Variants in C11orf65 observed in about 807,000 individuals in gnomAD.
C11orf65 encodes the protein chromosome 11 open reading frame 65.
A neutral mutation model predicts 35.3 loss-of-function variants in C11orf65; 38 were observed. That is an observed-to-expected ratio of 1.08 (90% confidence interval 0.83 to 1.41). The LOEUF (loss-of-function observed/expected upper bound fraction) is 1.41. Among genes scored for constraint, C11orf65 ranks in the 40% most tolerant of loss-of-function variants. The pLI is 0.00. For missense variants in C11orf65, 370 were observed against 367.1 expected, an observed-to-expected ratio of 1.01 and a Z score of -0.06; for synonymous variants, 105 against 114.4, an observed-to-expected ratio of 0.92 and a Z score of 0.53.
rs189364475 is a variant in C11orf65, at chr11:108,391,900, A to G, written c.731+1308T>C. Among the ~76,000 whole-genome samples, 22 of 152,214 alleles carry G rather than the reference A, an allele frequency of 1.4e-4. 1 individual carries two copies. In the East Asian group the frequency reaches 3.9e-3, roughly 27 times the overall value. ...TTAGCAGATTCATCAATGTTATGGC[A>G]TAGATCAGAACTTAATTTCTTTCTT... On this transcript the variant is annotated intron_variant, in intron 7 of 8. Transcript: ENST00000393084.
intron 2 of C11orf65, among the ~76,000 whole-genome samples, chr11:108,363,380 T>G (rs1470854169): frequency 6.6e-6 from 1 of 152,192 alleles, no homozygotes; most frequent in African/African-American, 2.4e-5. Context: ...GCCTTCAAGA[T>G]TTTATTTTCT....
downstream of C11orf65, chr11:108,329,367 T>C (rs2086020484): frequency 3.5e-6 from 3 of 846,110 alleles, no homozygotes; most frequent in African/African-American, 3.5e-5. Context: ...CTTAACTATA[T>C]ATAGATTATC....
At chr11:108,403,444 T>G (rs2092480195) in intron 6 of C11orf65, among the ~76,000 whole-genome samples, 1 of 147,876 alleles carries the variant, frequency 6.8e-6, no homozygotes, top group South Asian at 2.2e-4. Flanking sequence ...TACATATTCT[T>G]GATTCAAGAA....
chr11:108,407,931 CAA>C (rs1215650401), intron 3 of C11orf65, among the ~76,000 whole-genome samples: 541 of 22,592 alleles, frequency 0.024, 1 homozygote, highest in African/African-American at 0.063. Context: ...GACTCTGTCT[CAA>C]AAAAAAAAAA....
At chr11:108,427,598 T>G (rs1462934701) in intron 3 of C11orf65, among the ~76,000 whole-genome samples, 1 of 146,918 alleles carries the variant, frequency 6.8e-6, no homozygotes, top group Non-Finnish European at 1.5e-5. Context: ...GGCGCGCGTC[T>G]GTAGTCCCAG....
chr11:108,354,743 A>G (rs2137337906), intron 2 of C11orf65: 1 of 1,297,788 alleles, frequency 7.7e-7, no homozygotes, highest in Non-Finnish European at 1.1e-6. Context: ...ATGAGAGTAT[A>G]CAGATAAAGA....
chr11:108,381,623 C>T (rs1354414575), downstream of C11orf65, among the ~76,000 whole-genome samples: 2 of 151,962 alleles, frequency 1.3e-5, no homozygotes, highest in Admixed American at 1.3e-4. Context: ...TCTCTAATTT[C>T]TAATTCTCTA....
At chr11:108,449,327 A>T (rs551809729) in intron 2 of C11orf65, among the ~76,000 whole-genome samples, 1 of 151,984 alleles carries the variant, frequency 6.6e-6, no homozygotes, top group Non-Finnish European at 1.5e-5. Flanking sequence ...CACATAGCCA[A>T]GTGAATCCTA....
At chr11:108,415,916 G>T (rs182605920) in intron 3 of C11orf65, among the ~76,000 whole-genome samples, 1 of 151,446 alleles carries the variant, frequency 6.6e-6, no homozygotes, top group Non-Finnish European at 1.5e-5. Context: ...GGGAATCCAC[G>T]TTCAAGAAAA....
intron 2 of C11orf65, among the ~76,000 whole-genome samples, chr11:108,447,704 C>T (rs1246337556): frequency 3.9e-5 from 6 of 152,072 alleles, no homozygotes; most frequent in African/African-American, 1.4e-4. Flanking sequence ...AATTGACACC[C>T]TAACATCACA....
chr11:108,434,572 T>G (rs376468484), intron 2 of C11orf65, among the ~76,000 whole-genome samples: 1 of 151,698 alleles, frequency 6.6e-6, no homozygotes, highest in East Asian at 1.9e-4. Context: ...CCACTAGATC[T>G]GGCTACTGCC....
chr11:108,335,257 T>A (rs2086711221), exon 3 of C11orf65: 1 of 1,533,052 alleles, frequency 6.5e-7, no homozygotes, highest in African/African-American at 1.4e-5. Flanking sequence ...TGCATTATTT[T>A]CTAGAACCAG....
At chr11:108,387,251 T>C (rs2092033100) in intron 7 of C11orf65, among the ~76,000 whole-genome samples, 1 of 140,116 alleles carries the variant, frequency 7.1e-6, no homozygotes, top group South Asian at 2.4e-4. Flanking sequence ...GCCTCCTGGG[T>C]TCAAGAGATT....
intron 3 of C11orf65, among the ~76,000 whole-genome samples, chr11:108,417,447 A>G (rs7938068): frequency 0.99 from 151,285 of 152,046 alleles, 75,273 homozygotes; most frequent in Middle Eastern, 1. Flanking sequence ...GGGAGGCTGG[A>G]GCACAAGAAT....
chr11:108,461,152 A>C (rs1353406409), intron 2 of C11orf65, among the ~76,000 whole-genome samples: 1 of 152,148 alleles, frequency 6.6e-6, no homozygotes, highest in Non-Finnish European at 1.5e-5. Context: ...CTGTAATCCC[A>C]GCACTTTGGG....
At chr11:108,448,083 G>C (rs2093291062) in intron 2 of C11orf65, among the ~76,000 whole-genome samples, 1 of 152,120 alleles carries the variant, frequency 6.6e-6, no homozygotes, top group South Asian at 2.1e-4. Context: ...GACTAAACCA[G>C]GAAGAAGTTG....
rs372552946 is a variant in C11orf65 at position 108,343,384 on chromosome 11, C to G, written c.227-8092G>C. Reference sequence around the variant, plus strand: ...AAAGAAAATGATGGTGAGTGACACCCAAAATTAAAGGTTATTGTAAGATTA... The same window carrying G: ...AAAGAAAATGATGGTGAGTGACACCGAAAATTAAAGGTTATTGTAAGATTA... On this transcript the variant is annotated intron_variant, in intron 2 of 3. Transcript: ENST00000524755. The G allele has an allele frequency of 6.2e-7, 1 of 1,613,142 alleles. No individual in the cohort carries two copies. The highest frequency in any genetic ancestry group is 1.7e-5 in the Admixed American group (1 of 59,916).
At chr11:108,394,070 C>T (rs1262937140) in intron 6 of C11orf65, among the ~76,000 whole-genome samples, 1 of 149,480 alleles carries the variant, frequency 6.7e-6, no homozygotes, top group Non-Finnish European at 1.5e-5. Context: ...ATCCCAGCTA[C>T]TTGGGAAGCT....
At position 108,365,251 on chromosome 11, in the gene C11orf65, G is replaced by T. The variant is rs776219204; in HGVS notation, c.226+27957C>A. On this transcript the variant is annotated intron_variant, in intron 2 of 3. Coordinates refer to the C11orf65 transcript ENST00000524755. ...GTATTTTAAGAAGGTCCTGTTGTCA[G>T]TTTTTCAGATTTTCTTATTCCCAAG... 23 of 1,614,168 alleles carry T rather than the reference G, an allele frequency of 1.4e-5. No homozygotes were observed. The South Asian group carries it at 2.4e-4, about 17-fold the overall frequency.
Sources: gnomAD v4.1 joint callset for allele counts (sites outside exome capture counted in the v4.1 genomes callset) on GRCh38, gnomAD v4.1.1 for gene constraint, MANE v1.5 for transcripts, NCBI Gene and HGNC (gene_info 2026-07-23, HGNC 2026-07-21) for gene names.